The following DRC11 variants were observed in gnomAD, a reference collection of about 807,000 sequenced individuals.
DRC11 encodes the protein IQ and AAA domain-containing protein 1.
chr2:236,370,356 T>C, the DRC11 span, among the ~76,000 whole-genome samples: 1 of 152,088 alleles, frequency 6.6e-6, no homozygotes, highest in Non-Finnish European at 1.5e-5. The surrounding 1 kb of genome is among the most constrained non-coding windows in gnomAD (Gnocchi z 5.5). Context: ...CCCATAGTAG[T>C]GGAAACTGAG....
chr2:236,489,918 C>A, the DRC11 span, among the ~76,000 whole-genome samples: 2 of 152,116 alleles, frequency 1.3e-5, no homozygotes, highest in African/African-American at 4.8e-5. Context: ...GAGTGAGATT[C>A]TGTCTCTAAA....
At chr2:236,392,060 C>T in the DRC11 span, 5 of 1,613,816 alleles carry the variant, frequency 3.1e-6, 1 homozygote, top group South Asian at 4.4e-5. The surrounding 1 kb of genome is among the most constrained non-coding windows in gnomAD (Gnocchi z 5.1). Flanking sequence ...CCTGTCTCAT[C>T]AACTCATCAA....
the DRC11 span, among the ~76,000 whole-genome samples, chr2:236,451,635 C>T: frequency 1.3e-5 from 2 of 152,146 alleles, no homozygotes; most frequent in African/African-American, 4.8e-5. Context: ...ATAAGGCTCA[C>T]AGGTGGGGAA....
At chr2:236,450,843 T>C in the DRC11 span, among the ~76,000 whole-genome samples, 1 of 152,332 alleles carries the variant, frequency 6.6e-6, no homozygotes, top group Non-Finnish European at 1.5e-5. Flanking sequence ...AAGTTGACTA[T>C]CCAGTGCCAT....
At chr2:236,326,791 GTT>G in the DRC11 span, among the ~76,000 whole-genome samples, 7 of 127,642 alleles carry the variant, frequency 5.5e-5, no homozygotes, top group African/African-American at 2.2e-4. Context: ...TTTCAGATTT[GTT>G]GTGTGTGTGT....
the DRC11 span, among the ~76,000 whole-genome samples, chr2:236,360,678 A>G: frequency 2.0e-5 from 3 of 152,196 alleles, no homozygotes; most frequent in African/African-American, 7.2e-5. This position sits in a 1 kb window ranked among gnomAD's most constrained non-coding sequence, Gnocchi z 5.8. Flanking sequence ...GCGTGGGGAA[A>G]GATTCCAAGC....
At chr2:236,358,204 CTATATGAATATAT>C in the DRC11 span, among the ~76,000 whole-genome samples, 1 of 121,538 alleles carries the variant, frequency 8.2e-6, no homozygotes, top group African/African-American at 3.3e-5. Flanking sequence ...AATATATATA[CTATATGAATATAT>C]TATATACTGT....
chr2:236,344,192 G>A, the DRC11 span, among the ~76,000 whole-genome samples: 4 of 152,178 alleles, frequency 2.6e-5, no homozygotes, highest in Admixed American at 6.5e-5. Context: ...TTCATCAATT[G>A]TGGGCCTTTT....
At chr2:236,338,326 T>C in the DRC11 span, 1 of 1,614,022 alleles carries the variant, frequency 6.2e-7, no homozygotes, top group Non-Finnish European at 8.5e-7. Context: ...TCCGGTCATC[T>C]GGTTTCAGGA....
At chr2:236,392,417 T>A in the DRC11 span, 1 of 834,570 alleles carries the variant, frequency 1.2e-6, no homozygotes, top group African/African-American at 1.7e-5. The surrounding 1 kb of genome is among the most constrained non-coding windows in gnomAD (Gnocchi z 5.1). Context: ...TTAATGAAAT[T>A]TTAAAAAGAC....
At chr2:236,506,554 T>C in the DRC11 span, among the ~76,000 whole-genome samples, 1 of 152,236 alleles carries the variant, frequency 6.6e-6, no homozygotes, top group Admixed American at 6.5e-5. The surrounding 1 kb of genome is among the most constrained non-coding windows in gnomAD (Gnocchi z 4.9). Flanking sequence ...GTGCCCGGCT[T>C]GGCACTGTTC....
the DRC11 span, among the ~76,000 whole-genome samples, chr2:236,463,306 T>A: frequency 1.3e-5 from 2 of 152,210 alleles, no homozygotes; most frequent in African/African-American, 4.8e-5. This position sits in a 1 kb window ranked among gnomAD's most constrained non-coding sequence, Gnocchi z 5.0. Flanking sequence ...TGCACATCAA[T>A]ACTGTCTGCT....
the DRC11 span, among the ~76,000 whole-genome samples, chr2:236,339,088 A>G: frequency 6.6e-6 from 1 of 152,196 alleles, no homozygotes; most frequent in Non-Finnish European, 1.5e-5. Context: ...CACCAGGGGC[A>G]ATGGTGAGAG....
chr2:236,386,585 CA>C, the DRC11 span, among the ~76,000 whole-genome samples: 1 of 152,030 alleles, frequency 6.6e-6, no homozygotes, highest in African/African-American at 2.4e-5. Flanking sequence ...AGCGGTCTAT[CA>C]ATTTTGTTGA....
chr2:236,484,840 G>GTAGGCGGAAACTCCCCCT, the DRC11 span, among the ~76,000 whole-genome samples: 1 of 152,210 alleles, frequency 6.6e-6, no homozygotes. Context: ...GCACTGTGCT[G>GTAGGCGGAAACTCCCCCT]TAGGCGGAAA....
chr2:236,486,107 T>C, the DRC11 span, among the ~76,000 whole-genome samples: 1 of 152,176 alleles, frequency 6.6e-6, no homozygotes. This position sits in a 1 kb window ranked among gnomAD's most constrained non-coding sequence, Gnocchi z 5.7. Context: ...CCAGCTGCCA[T>C]ATGGAGAAGC....
At chr2:236,315,806 G>A in the DRC11 span, among the ~76,000 whole-genome samples, 4 of 152,208 alleles carry the variant, frequency 2.6e-5, no homozygotes, top group African/African-American at 7.2e-5. The surrounding 1 kb of genome is among the most constrained non-coding windows in gnomAD (Gnocchi z 5.1). Context: ...CAATGAGAAC[G>A]TGGACACAAG....
chr2:236,366,517 T>G, the DRC11 span, among the ~76,000 whole-genome samples: 2 of 152,188 alleles, frequency 1.3e-5, no homozygotes, highest in Non-Finnish European at 2.9e-5. Flanking sequence ...TGCCCTGTCA[T>G]GAGAACAAAT....
At chr2:236,453,878 G>A in the DRC11 span, among the ~76,000 whole-genome samples, 1 of 152,150 alleles carries the variant, frequency 6.6e-6, no homozygotes, top group Admixed American at 6.5e-5. This position sits in a 1 kb window ranked among gnomAD's most constrained non-coding sequence, Gnocchi z 4.9. Context: ...CTGACCACAG[G>A]TGATCCACCC....
Sources: gnomAD v4.1 joint callset for allele counts (sites outside exome capture counted in the v4.1 genomes callset) on GRCh38, gnomAD v4.1.1 for gene constraint, Gnocchi (gnomAD v3.1) non-coding constraint, MANE v1.5 for transcripts, NCBI Gene and HGNC (gene_info 2026-07-23, HGNC 2026-07-21) for gene names.